PHF14: variants seen among roughly 807,000 people sequenced by gnomAD.
PHF14 encodes the protein PHD finger protein 14.
Under a neutral mutation model 117.9 loss-of-function variants are expected in PHF14, and 55 were observed. That is an observed-to-expected ratio of 0.47 (90% CI 0.38 to 0.58). The LOEUF (loss-of-function observed/expected upper bound fraction) is 0.58, where lower values mean the gene tolerates loss of function less well. Ranked by LOEUF, PHF14 falls within the 20% of genes least tolerant of loss-of-function variation. The pLI, the probability that PHF14 is intolerant of heterozygous loss-of-function variation, is 0.00. For synonymous variants in PHF14, 409 were observed against 368.6 expected (o/e 1.11, Z -1.26); for missense variants, 978 against 1,122.2 (o/e 0.87, Z 1.84).
chr7:10,974,428 A>G (rs1038933527), intron 1 of PHF14, 104 bp downstream of exon 1: 89 of 962,952 alleles, frequency 9.2e-5, no homozygotes, highest in Non-Finnish European at 1.3e-4. Context: ...GCGGGAAAGC[A>G]GGATTGGTGG....
intron 17 of PHF14, among the ~76,000 whole-genome samples, chr7:11,119,365 T>C (rs1203630746): frequency 6.6e-6 from 1 of 151,862 alleles, no homozygotes; most frequent in Non-Finnish European, 1.5e-5. Context: ...GCATTTGAAA[T>C]ATTAAAATAA....
chr7:11,003,774 A>G (rs1401286306), intron 4 of PHF14, among the ~76,000 whole-genome samples: 1 of 152,246 alleles, frequency 6.6e-6, no homozygotes, highest in African/African-American at 2.4e-5. Context: ...ATGAGTAGAT[A>G]TGTAAAAATA....
chr7:11,068,407 G>A (rs368008865), intron 16 of PHF14, among the ~76,000 whole-genome samples: 5 of 148,046 alleles, frequency 3.4e-5, no homozygotes. Flanking sequence ...CCTTGAGAAC[G>A]TTATGCTAAG....
At chr7:11,089,193 ATT>A (rs1786545304) in intron 16 of PHF14, among the ~76,000 whole-genome samples, 4 of 152,174 alleles carry the variant, frequency 2.6e-5, no homozygotes, top group Admixed American at 2.6e-4. Flanking sequence ...GGCAACTCAT[ATT>A]CAAATGAAAT....
At chr7:11,106,026 A>T in intron 16 of PHF14, 2 of 984,808 alleles carry the variant, frequency 2.0e-6, no homozygotes, top group South Asian at 9.4e-5. Flanking sequence ...TTTATTAAAG[A>T]ACAAAGCAGA....
At position 10,974,958 on chromosome 7, in the gene PHF14, TTC is replaced by T. The variant is rs748938774; in HGVS notation, c.112+19_112+20del. 8.0e-7 allele frequency: 1 copy of T among 1,247,276 alleles called. No homozygotes were observed. The highest frequency in any genetic ancestry group is 1.3e-5 in the South Asian group (1 of 77,986). 77.3% of individuals were successfully genotyped at this position (1,247,276 alleles called of 1,614,324 possible). A position where few individuals can be genotyped will look rare whatever the true frequency, so the allele number is the denominator to read the frequency against. ...GGAGATGCCTCAGGTAAATATTTCC[TTC>T]TCTCTTCCCCTTTCCCAGCTTTCTG... On this transcript the variant is annotated intron_variant, in intron 2 of 17. Coordinates refer to ENST00000634607, the MANE Select transcript of PHF14 (RefSeq NM_001007157.2).
chr7:11,033,910 T>A (rs1784217281), intron 7 of PHF14, among the ~76,000 whole-genome samples: 1 of 152,186 alleles, frequency 6.6e-6, no homozygotes, highest in African/African-American at 2.4e-5. Context: ...ATTTTTGTAT[T>A]TAATTTTTAA....
intron 4 of PHF14, among the ~76,000 whole-genome samples, chr7:10,999,340 T>C (rs1782774781): frequency 6.6e-6 from 1 of 152,192 alleles, no homozygotes; most frequent in African/African-American, 2.4e-5. Context: ...ATATAGTTCC[T>C]TATCTGCTTT....
At chr7:11,055,784 T>C (rs939002262) in intron 14 of PHF14, among the ~76,000 whole-genome samples, 2 of 152,340 alleles carry the variant, frequency 1.3e-5, no homozygotes, top group Middle Eastern at 3.4e-3. Flanking sequence ...TATTTAATAA[T>C]GTTTAAGCTT....
At chr7:11,004,792 T>A (rs1031860740) in intron 4 of PHF14, among the ~76,000 whole-genome samples, 1 of 151,956 alleles carries the variant, frequency 6.6e-6, no homozygotes, top group Non-Finnish European at 1.5e-5. Context: ...TCCCAGCACT[T>A]TGGGAGGCCG....
At position 11,132,352 on chromosome 7, in the gene PHF14, T is replaced by A. The variant is rs528761083; in HGVS notation, c.2772+20885T>A. 3.1e-4 allele frequency among the ~76,000 whole-genome samples: 47 copies of A among 151,848 alleles called. 1 individual carries two copies. The South Asian group carries it at 9.6e-3, about 31-fold the overall frequency. Reference sequence around the variant, plus strand: ...CATAAAAGTGAGACCATTTAATATTTTTCTTTTTGTGCCTGGCTTGTTTCA... The same window carrying A: ...CATAAAAGTGAGACCATTTAATATTATTCTTTTTGTGCCTGGCTTGTTTCA... On this transcript the variant is annotated intron_variant, in intron 17 of 17. Coordinates refer to ENST00000634607, the MANE Select transcript of PHF14 (RefSeq NM_001007157.2).
rs1467569001 is a variant in PHF14, at chr7:10,982,998, G to A, written c.739G>A (p.Asp247Asn). 6 of 1,582,042 alleles carry A rather than the reference G, an allele frequency of 3.8e-6. No individual in the cohort carries two copies. The highest frequency in any genetic ancestry group is 5.1e-6 in the Non-Finnish European group (6 of 1,165,502). Residue 247 changes from aspartate to asparagine, a missense_variant, in exon 3 of 18, where the codon GAT becomes AAT. By Grantham distance (23) the Asp-to-Asn change is conservative. This residue lies in a region of PHF14 where 414 missense variants were observed against 376.4 expected (regional missense o/e 1.10). Transcript: ENST00000634607. ...TGATGAAGATGAGGGAAGCGGGAGT[G>A]ATGAAGACGAGAATGATGAAGGCAA... The part of the protein sequence containing the change: ...EDDEDEGSGS[D>N]EDENDEGNDE...
intron 11 of PHF14, 79 bp from the exon 12 acceptor site, chr7:11,040,593 C>T (rs1784470807): frequency 6.8e-6 from 4 of 585,614 alleles, no homozygotes; most frequent in African/African-American, 1.9e-5. Flanking sequence ...ATTTACTTGG[C>T]TTGAGTGGCA....
intron 4 of PHF14, among the ~76,000 whole-genome samples, chr7:10,996,385 T>TG (rs1782645739): frequency 6.6e-6 from 1 of 152,206 alleles, no homozygotes; most frequent in African/African-American, 2.4e-5. Context: ...TAAGACTAAA[T>TG]GCTTGTAACA....
intron 13 of PHF14, among the ~76,000 whole-genome samples, chr7:11,045,296 A>G (rs1784627894): frequency 6.6e-6 from 1 of 152,002 alleles, no homozygotes; most frequent in South Asian, 2.1e-4. Context: ...GTTTCTAGTG[A>G]TCAAATTTCC....
intron 16 of PHF14, among the ~76,000 whole-genome samples, chr7:11,078,544 A>C (rs1583443843): frequency 6.6e-6 from 1 of 152,158 alleles, no homozygotes; most frequent in South Asian, 2.1e-4. Flanking sequence ...TTTAATTTTC[A>C]AATTTCATGA....
At chr7:10,992,300 C>T (rs1313484372) in intron 4 of PHF14, among the ~76,000 whole-genome samples, 5 of 150,720 alleles carry the variant, frequency 3.3e-5, no homozygotes, top group Non-Finnish European at 4.4e-5. Context: ...GTGATCCACC[C>T]GACTCAGCTT....
At chr7:11,016,898 T>C (rs1479220950) in intron 5 of PHF14, among the ~76,000 whole-genome samples, 1 of 152,136 alleles carries the variant, frequency 6.6e-6, no homozygotes. Flanking sequence ...ACCCTTTCCC[T>C]GCACTATCCT....
chr7:11,056,866 A>G (rs1279882130), intron 14 of PHF14, among the ~76,000 whole-genome samples: 1 of 150,512 alleles, frequency 6.6e-6, no homozygotes, highest in East Asian at 1.9e-4. Context: ...GCATTTTTGA[A>G]TAGCTGCCAG....
Sources: allele counts gnomAD v4.1 joint callset (sites outside exome capture counted in the v4.1 genomes callset), GRCh38; gene constraint gnomAD v4.1.1; regional missense constraint gnomAD v4.1.1; transcripts MANE v1.5; gene names NCBI Gene and HGNC (gene_info 2026-07-23, HGNC 2026-07-21).